The following GRSF1 variants were observed in gnomAD, a reference collection of about 807,000 sequenced individuals.
GRSF1 encodes G-rich RNA sequence binding factor 1.
A neutral mutation model predicts 51.1 loss-of-function variants in GRSF1; 50 were observed. That is an observed-to-expected ratio of 0.98 (90% CI 0.78 to 1.24). The LOEUF (loss-of-function observed/expected upper bound fraction) is 1.24. Ranked by LOEUF, GRSF1 falls within the 50% of genes most tolerant of loss-of-function variation. The pLI is 0.00. For synonymous variants in GRSF1, 293 were observed against 253.3 expected (o/e 1.16, Z -1.49); for missense variants, 700 against 639.7 (o/e 1.09, Z -1.02).
intron 2 of GRSF1, among the ~76,000 whole-genome samples, chr4:70,835,045 ATTAAGT>A (rs1669302211): frequency 2.0e-5 from 3 of 152,174 alleles, no homozygotes; most frequent in African/African-American, 7.2e-5. Context: ...AACATACAGT[ATTAAGT>A]TTAATGTTCC....
At chr4:70,839,214 C>G in intron 1 of GRSF1, 1 of 1,434,336 alleles carries the variant, frequency 7.0e-7, no homozygotes, top group Non-Finnish European at 9.2e-7. Context: ...AACATTCACC[C>G]CAGCCACACT....
rs1318304156 is a variant in GRSF1 at position 70,827,893 on chromosome 4, T to G, written c.1094A>C (p.Asp365Ala). The change falls in exon 6 of 10, where the codon GAT becomes GCT. Residue 365 changes from aspartate to alanine, a missense_variant. Physicochemically the swap from Asp to Ala is moderately radical, Grantham distance 126. Transcript: ENST00000254799. ...TTCAAAAGCTGTCATGGGTTGAATA[T>G]CCTCATTTACTTCATGTTCTTCAAA... ...MVFEEHEVNE[D>A]IQPMTAFESE... is the part of the protein sequence containing the mutation. The G allele has an allele frequency of 4.3e-6, 7 of 1,613,270 alleles. No homozygotes were observed. The highest frequency in any genetic ancestry group is 5.1e-6 in the Non-Finnish European group (6 of 1,179,566).
rs749990728 is a variant in GRSF1, at chr4:70,839,167, CG to C, written c.357+303del. The C allele has an allele frequency of 1.9e-5, 26 of 1,353,472 alleles. No homozygotes were observed. The South Asian group carries it at 3.2e-4, about 17-fold the overall frequency. The allele number at this position is 1,353,472 out of a possible 1,614,324, so 83.8% of individuals were successfully genotyped here. On this transcript the variant is annotated intron_variant, in intron 1 of 9. Transcript: ENST00000254799. ...CGAGGTGGGGGCGTCAGCAGCCTCA[CG>C]AAACCTACCATGGGCCAGGCGGGGA...
rs1733349662 is a variant in GRSF1 at position 70,817,264 on chromosome 4, T to G, written c.*3623A>C. ...TCTCACTCTGTCACTCAGGCTGGAG[T>G]GCAGCAACAGTCATGGCTCACTGCA... On this transcript the variant is annotated 3_prime_UTR_variant, in exon 10 of 10. Coordinates refer to ENST00000254799, the MANE Select transcript of GRSF1 (RefSeq NM_002092.4). 1 of 151,564 alleles carries G rather than the reference T, an allele frequency of 6.6e-6. No individual in the cohort carries two copies. Among genetic ancestry groups the G allele is most frequent in the Non-Finnish European group, 1.5e-5 (1 of 67,954 alleles). The allele number at this position is 151,564 out of a possible 1,614,324, so 9.4% of individuals were successfully genotyped here. A position where few individuals can be genotyped will look rare whatever the true frequency, so the allele number is the denominator to read the frequency against.
chr4:70,821,061 T>C (rs886179248), intron 9 of GRSF1, among the ~76,000 whole-genome samples, 200 bp from the exon 10 acceptor site: 3 of 152,226 alleles, frequency 2.0e-5, no homozygotes, highest in African/African-American at 7.2e-5. Context: ...AGTTTCAGAA[T>C]ATATTTTAAA....
At chr4:70,840,385 GC>G (rs1734422679), upstream of GRSF1, among the ~76,000 whole-genome samples, 1 of 152,238 alleles carries the variant, frequency 6.6e-6, no homozygotes, top group East Asian at 1.9e-4. Flanking sequence ...TAGCACTTTG[GC>G]AGGCAGAGGC....
rs577909875 is a variant in GRSF1, at chr4:70,823,974, C to CTTTTTTTTTTTTTTTTTTTTTTTTTT, written c.*25+319_*25+320insAAAAAAAAAAAAAAAAAAAAAAAAAA. ...AAATAATTTCCACAGTTGTATCTCTCTCTTTTTTTTTTTTTTTTTTGAGTC... is the reference window on the plus strand; with the variant it reads ...AAATAATTTCCACAGTTGTATCTCTCTTTTTTTTTTTTTTTTTTTTTTTTTTTCTTTTTTTTTTTTTTTTTTGAGTC... On this transcript the variant is annotated intron_variant, in intron 9 of 9. Coordinates refer to ENST00000254799, the MANE Select transcript of GRSF1 (RefSeq NM_002092.4). Among the ~76,000 whole-genome samples, 10 of 100,932 alleles carry CTTTTTTTTTTTTTTTTTTTTTTTTTT rather than the reference C, an allele frequency of 9.9e-5. 4 individuals carry two copies. The highest frequency in any genetic ancestry group is 2.9e-4 in the Admixed American group (2 of 6,876). 66.2% of individuals were successfully genotyped at this position (100,932 alleles called of 152,430 possible). A position where few individuals can be genotyped will look rare whatever the true frequency, so the allele number is the denominator to read the frequency against.
Position 70,819,151 on chromosome 4 carries a change from A to ATTAT in GRSF1, c.*1735_*1736insATAA, listed in dbSNP as rs1379453039. 2.0e-5 allele frequency: 3 copies of ATTAT among 152,314 alleles called. No individual in the cohort carries two copies. The highest frequency in any genetic ancestry group is 7.2e-5 in the African/African-American group (3 of 41,570). The allele number at this position is 152,314 out of a possible 1,614,324, so 9.4% of individuals were successfully genotyped here. A position where few individuals can be genotyped will look rare whatever the true frequency, so the allele number is the denominator to read the frequency against. On this transcript the variant is annotated 3_prime_UTR_variant, in exon 10 of 10. Transcript: ENST00000254799. ...TATAGCATTTTAATGCTTTGCTTGC[A>ATTAT]TTCTTTTTCCAGAGATGTGCAAATA... is the stretch of plus-strand genomic sequence containing the variant.
chr4:70,836,450 T>C, intron 1 of GRSF1, 136 bp from the exon 2 acceptor site: 1 of 626,800 alleles, frequency 1.6e-6, no homozygotes, highest in East Asian at 3.2e-5. Flanking sequence ...ACTTCACCAA[T>C]GTAACCCATC....
At position 70,824,303 on chromosome 4, in the gene GRSF1, T is replaced by A; in HGVS notation, c.*16A>T. On this transcript the variant is annotated 3_prime_UTR_variant, in exon 9 of 10. Coordinates refer to ENST00000254799, the MANE Select transcript of GRSF1 (RefSeq NM_002092.4). Reference sequence around the variant, plus strand: ...TACCTCTTAAATTTACCTTATTATCTGGAGCCCCTAGAGTCTTATTTTCCT... The same window carrying A: ...TACCTCTTAAATTTACCTTATTATCAGGAGCCCCTAGAGTCTTATTTTCCT... 7.5e-7 allele frequency: 1 copy of A among 1,339,618 alleles called. No individual in the cohort carries two copies. The highest frequency in any genetic ancestry group is 1.4e-5 in the African/African-American group (1 of 69,962). The allele number at this position is 1,339,618 out of a possible 1,614,324, so 83.0% of individuals were successfully genotyped here.
chr4:70,827,018 T>C (rs1305323067), intron 6 of GRSF1, among the ~76,000 whole-genome samples: 2 of 152,204 alleles, frequency 1.3e-5, no homozygotes, highest in African/African-American at 4.8e-5. Flanking sequence ...GCGGGCACAG[T>C]GGCTCATGCC....
At chr4:70,841,746 CA>C (rs1246867594), upstream of GRSF1, among the ~76,000 whole-genome samples, 1 of 151,882 alleles carries the variant, frequency 6.6e-6, no homozygotes, top group East Asian at 1.9e-4. Context: ...TTTCCCCAAC[CA>C]AAAAACAAAG....
chr4:70,839,173 C>A, intron 1 of GRSF1: 1 of 1,364,588 alleles, frequency 7.3e-7, no homozygotes, highest in Non-Finnish European at 9.6e-7. Flanking sequence ...CTCACGAAAC[C>A]TACCATGGGC....
chr4:70,841,732 AC>A (rs1734462680), upstream of GRSF1, among the ~76,000 whole-genome samples: 2 of 152,090 alleles, frequency 1.3e-5, no homozygotes, highest in African/African-American at 4.8e-5. Context: ...TTCTTAGAAA[AC>A]CCTTTCCCCA....
Position 70,831,640 on chromosome 4 carries a change from G to C in GRSF1, c.849C>G (p.Asp283Glu), listed in dbSNP as rs1342497155. 3 of 1,613,210 alleles carry C rather than the reference G, an allele frequency of 1.9e-6. No individual in the cohort carries two copies. The African/African-American group carries it at 4.0e-5, about 22-fold the overall frequency. Reference sequence around the variant, plus strand: ...CCCCTGTTTTTCGCCTCCCTCTATAGTCCATCACAAAAGTAATGTCAACTA... The same window carrying C: ...CCCCTGTTTTTCGCCTCCCTCTATACTCCATCACAAAAGTAATGTCAACTA... The part of the protein sequence containing the change: ...LNIVDITFVM[D>E]YRGRRKTGEA... The change falls in exon 5 of 10, where the codon GAC becomes GAG. Residue 283 changes from aspartate (D) to glutamate (E), a missense_variant. Asp to Glu is a conservative substitution (Grantham distance 45, BLOSUM62 2). Coordinates refer to ENST00000254799, the MANE Select transcript of GRSF1 (RefSeq NM_002092.4).
intron 5 of GRSF1, among the ~76,000 whole-genome samples, chr4:70,828,719 G>A (rs1279614645): frequency 6.7e-6 from 1 of 148,716 alleles, no homozygotes; most frequent in Non-Finnish European, 1.5e-5. Context: ...ACTGCCACCT[G>A]CCACCACACA....
intron 8 of GRSF1, among the ~76,000 whole-genome samples, chr4:70,825,039 C>G (rs1002792432): frequency 2.6e-5 from 4 of 151,952 alleles, no homozygotes; most frequent in African/African-American, 9.7e-5. Flanking sequence ...GAGGCTGAGA[C>G]TGCGGTGAGC....
At chr4:70,840,741 C>G (rs1456061789), upstream of GRSF1, among the ~76,000 whole-genome samples, 1 of 152,052 alleles carries the variant, frequency 6.6e-6, no homozygotes, top group Non-Finnish European at 1.5e-5. Context: ...GCAGCCTGGG[C>G]GACAGAGTGA....
At chr4:70,840,227 G>A (rs1275317998), upstream of GRSF1, among the ~76,000 whole-genome samples, 1 of 151,710 alleles carries the variant, frequency 6.6e-6, no homozygotes, top group Non-Finnish European at 1.5e-5. Context: ...CATGGTTTGG[G>A]CGGGGCTGCC....
Sources: allele counts gnomAD v4.1 joint callset (sites outside exome capture counted in the v4.1 genomes callset), GRCh38; gene constraint gnomAD v4.1.1; transcripts MANE v1.5; gene names NCBI Gene and HGNC (gene_info 2026-07-23, HGNC 2026-07-21).